LTBP2: variants seen among roughly 807,000 people sequenced by gnomAD.
The protein encoded by LTBP2 is latent transforming growth factor beta binding protein 2, also known as latent-transforming growth factor beta-binding protein 2.
In LTBP2, 103 loss-of-function variants were observed where a neutral mutation model predicts 210.6. The ratio of observed to expected loss-of-function variants is 0.49; its 90% CI spans 0.42 to 0.58. LTBP2 has a LOEUF of 0.58. LTBP2 is among the 20% of genes least tolerant of loss of function. The pLI is 0.00. For missense variants in LTBP2, 2,313 were observed against 2,494.5 expected, an observed-to-expected ratio of 0.93 and a Z score of 1.55; for synonymous variants, 1,007 against 1,015.0, an observed-to-expected ratio of 0.99 and a Z score of 0.15.
chr14:74,580,991 G>C (rs532441397), intron 3 of LTBP2, among the ~76,000 whole-genome samples: 2 of 152,328 alleles, frequency 1.3e-5, no homozygotes, highest in East Asian at 3.9e-4. Context: ...GCTCCAGGGA[G>C]GGGGATAGCA....
chr14:74,504,788 G>A lies in LTBP2; in HGVS notation c.4443C>T (p.Thr1481=), dbSNP rs773339239. The change falls in exon 30 of 36, where the codon ACC becomes ACT. Residue 1481 remains threonine (T), a synonymous_variant. Transcript: ENST00000261978. ...GATGGAGCAGATTACCTGTGTACATGGTCTGTCCAAACGTCCAGGCTCCTT... is the reference window on the plus strand; with the variant it reads ...GATGGAGCAGATTACCTGTGTACATAGTCTGTCCAAACGTCCAGGCTCCTT... ...PVEGAWTFGQ[T]MYTDADECVI... 8.7e-6 allele frequency: 14 copies of A among 1,613,970 alleles called. No homozygotes were observed. In the East Asian group the frequency reaches 2.9e-4, roughly 33 times the overall value.
intron 16 of LTBP2, 93 bp from the exon 17 acceptor site, chr14:74,522,132 C>CT: frequency 7.0e-7 from 1 of 1,430,170 alleles, no homozygotes; most frequent in Non-Finnish European, 9.6e-7. Context: ...AGGGGCTGGG[C>CT]AGGGGATGGT....
At position 74,503,252 on chromosome 14, in the gene LTBP2, G is replaced by A. The variant is rs387907174; in HGVS notation, c.4855C>T (p.Gln1619Ter). Residue 1619 changes from glutamine (Q) to a stop codon, truncating the protein, a stop_gained, in exon 33 of 36, where the codon CAG (glutamine) becomes TAG (stop). Transcript: ENST00000261978. LOFTEE classifies it high-confidence loss of function. ...CCCQDGEAWS[Q>*]QCALCPPRSS... is the part of the protein sequence containing the mutation. The stretch of plus-strand genomic sequence containing the variant: ...CTCGGGGGACACAGAGCACACTGCT[G>A]GCTCCAGGCCTCGCCGTCCTGGCAG... 6.2e-7 allele frequency: 1 copy of A among 1,614,068 alleles called. No individual in the cohort carries two copies. The highest frequency in any genetic ancestry group is 8.5e-7 in the Non-Finnish European group (1 of 1,180,050).
chr14:74,509,786 G>A lies in LTBP2; in HGVS notation c.3225C>T (p.Cys1075=). The A allele has an allele frequency of 6.2e-7, 1 of 1,614,132 alleles. No homozygotes were observed. Among genetic ancestry groups the A allele is most frequent in the Non-Finnish European group, 8.5e-7 (1 of 1,180,044 alleles). ...LCLNTEGSFA[C]SACENGYWVN... is the part of the protein sequence containing the mutation. ...CCCAGTACCCGTTCTCACAGGCAGA[G>A]CAGGCGAAGGAGCCCTCCGTGTTGA... Residue 1075 remains cysteine (C), a synonymous_variant, in exon 21 of 36, where the codon TGC becomes TGT. Transcript: ENST00000261978.
In LTBP2 at chr14:74,503,328, A is replaced by G. The variant is rs143785522; in HGVS notation, c.4779T>C (p.Asp1593=). The change falls in exon 33 of 36, where the codon GAT becomes GAC. Residue 1593 remains aspartate (D), a synonymous_variant. Coordinates refer to ENST00000261978, the MANE Select transcript of LTBP2 (RefSeq NM_000428.3). ...GCCCACGCAGGGGTTCGCTGCACAC[A>G]TCATTGGTGACTTTTTTCCAGCAGA... ...MDICWKKVTN[D]VCSEPLRGHR... is the part of the protein sequence containing the mutation. The G allele has an allele frequency of 1.2e-4, 193 of 1,613,908 alleles. No homozygotes were observed. In the African/African-American group the frequency reaches 2.1e-3, roughly 18 times the overall value.
At chr14:74,508,213 G>A in intron 24 of LTBP2, 118 bp from the exon 25 acceptor site, 2 of 1,328,466 alleles carry the variant, frequency 1.5e-6, no homozygotes, top group Non-Finnish European at 2.1e-6. Flanking sequence ...GGCTTATGTA[G>A]GAAAAGGCTC....
At chr14:74,526,464 T>G (rs932236765) in intron 13 of LTBP2, among the ~76,000 whole-genome samples, 4 of 152,204 alleles carry the variant, frequency 2.6e-5, no homozygotes, top group African/African-American at 9.7e-5. Flanking sequence ...CTCTGGAGGT[T>G]CACTAGAGTG....
chr14:74,503,809 G>C, intron 31 of LTBP2, 117 bp downstream of exon 31: 1 of 1,476,228 alleles, frequency 6.8e-7, no homozygotes, highest in African/African-American at 1.4e-5. Flanking sequence ...TGCTGCAGTG[G>C]GCGGCCTCCC....
chr14:74,502,493 T>C (rs1293543644), intron 34 of LTBP2, 160 bp downstream of exon 34: 2 of 908,498 alleles, frequency 2.2e-6, no homozygotes, highest in Non-Finnish European at 3.5e-6. Flanking sequence ...CCTGGGCGTA[T>C]GTACTTGTCT....
intron 8 of LTBP2, among the ~76,000 whole-genome samples, chr14:74,541,589 A>G (rs1482759809): frequency 2.0e-5 from 3 of 152,122 alleles, no homozygotes; most frequent in Admixed American, 1.3e-4. Flanking sequence ...CAGAGGAGAA[A>G]TTCTGAACCA....
At position 74,501,732 on chromosome 14, in the gene LTBP2, T is replaced by C. The variant is rs990113939; in HGVS notation, c.5171-142A>G. ...GGCAGAGAGGATCATAAAATTCTTG[T>C]GGAAAGATGCTAGAACAAAAGGCAG... On this transcript the variant is annotated intron_variant, in intron 34 of 35. Transcript: ENST00000261978. 4.0e-6 allele frequency: 4 copies of C among 1,011,216 alleles called. No individual in the cohort carries two copies. The African/African-American group carries it at 6.5e-5, about 16-fold the overall frequency. The allele number at this position is 1,011,216 out of a possible 1,614,324, so 62.6% of individuals were successfully genotyped here.
At chr14:74,576,384 G>T (rs2088057844) in intron 3 of LTBP2, among the ~76,000 whole-genome samples, 1 of 152,136 alleles carries the variant, frequency 6.6e-6, no homozygotes, top group South Asian at 2.1e-4. Context: ...ACAAAACAAA[G>T]ATCCCTGCTC....
intron 30 of LTBP2, 124 bp from the exon 31 acceptor site, chr14:74,504,178 C>T: frequency 8.0e-7 from 1 of 1,250,094 alleles, no homozygotes; most frequent in Non-Finnish European, 1.1e-6. Context: ...TGGCTTTGGG[C>T]AAGTTGCTTA....
At chr14:74,572,387 C>T (rs1389991854) in intron 3 of LTBP2, among the ~76,000 whole-genome samples, 2 of 149,470 alleles carry the variant, frequency 1.3e-5, no homozygotes, top group East Asian at 2.0e-4. Context: ...GGAGGAGTGC[C>T]GAGACACTGA....
chr14:74,581,660 C>T (rs1028278629), intron 3 of LTBP2, among the ~76,000 whole-genome samples: 4 of 152,172 alleles, frequency 2.6e-5, no homozygotes, highest in African/African-American at 9.7e-5. Context: ...AGCGAGGAAA[C>T]CGAGCCCCCC....
chr14:74,611,495 C>G lies in LTBP2; in HGVS notation c.450G>C (p.Arg150=), dbSNP rs111342797. ...PALPRLGTPQ[R]SGAAPPTPPR... is the part of the protein sequence containing the mutation. ...GCGGGGTTGGGGGCGCAGCCCCAGA[C>G]CGCTGTGGGGTCCCCAGGCGTGGGA... The change falls in exon 1 of 36, where the codon CGG becomes CGC. Residue 150 remains arginine, a synonymous_variant. Coordinates refer to ENST00000261978, the MANE Select transcript of LTBP2 (RefSeq NM_000428.3). 28 of 1,513,902 alleles carry G rather than the reference C, an allele frequency of 1.8e-5. No homozygotes were observed. The highest frequency in any genetic ancestry group is 2.4e-5 in the Non-Finnish European group (28 of 1,143,566). The allele number at this position is 1,513,902 out of a possible 1,614,324, so 93.8% of individuals were successfully genotyped here.
chr14:74,534,603 G>A (rs1340274044), intron 9 of LTBP2, among the ~76,000 whole-genome samples: 2 of 152,120 alleles, frequency 1.3e-5, no homozygotes, highest in Non-Finnish European at 2.9e-5. Context: ...AGAATGCCCC[G>A]CTCATTAGAC....
At position 74,564,075 on chromosome 14, in the gene LTBP2, TTA is replaced by T. The variant is rs1202915903; in HGVS notation, c.831-8384_831-8383del. 8.5e-3 allele frequency among the ~76,000 whole-genome samples: 177 copies of T among 20,764 alleles called. 2 individuals carry two copies. The highest frequency in any genetic ancestry group is 0.018 in the African/African-American group (70 of 3,908). 13.6% of individuals were successfully genotyped at this position (20,764 alleles called of 152,430 possible). A position where few individuals can be genotyped will look rare whatever the true frequency, so the allele number is the denominator to read the frequency against. ...TATATATATATTTATATATATATAT[TTA>T]TATATATATTTATATATATATTTAT... is the stretch of plus-strand genomic sequence containing the variant. On this transcript the variant is annotated intron_variant, in intron 3 of 35. Transcript: ENST00000261978.
intron 9 of LTBP2, among the ~76,000 whole-genome samples, chr14:74,534,292 C>A (rs949728683): frequency 6.6e-6 from 1 of 152,162 alleles, no homozygotes; most frequent in Admixed American, 6.5e-5. Flanking sequence ...TTCCCCAAAG[C>A]CTGTGGGTAA....
Sources: allele counts gnomAD v4.1 joint callset (sites outside exome capture counted in the v4.1 genomes callset), GRCh38; gene constraint gnomAD v4.1.1; transcripts MANE v1.5; gene names NCBI Gene and HGNC (gene_info 2026-07-23, HGNC 2026-07-21).